Variants in MYO1H observed in about 807,000 individuals in gnomAD.
MYO1H encodes the protein unconventional myosin-Ih.
MYO1H carries 118 observed loss-of-function variants against 149.3 expected under a neutral mutation model. The ratio of observed to expected loss-of-function variants is 0.79; its 90% CI spans 0.68 to 0.92. The LOEUF (loss-of-function observed/expected upper bound fraction) is 0.92, where lower values mean the gene tolerates loss of function less well. Among genes scored for constraint, MYO1H ranks in the 40% least tolerant of loss-of-function variants. MYO1H has a pLI of 0.00. For missense variants in MYO1H, 1,212 were observed against 1,280.7 expected (o/e 0.95, Z 0.82); for synonymous variants, 447 against 465.2 (o/e 0.96, Z 0.50).
At chr12:109,412,032 G>A (rs113719937) in intron 14 of MYO1H, 47 bp downstream of exon 14, 10 of 1,311,564 alleles carry the variant, frequency 7.6e-6, no homozygotes, top group African/African-American at 7.4e-5. Context: ...AGATGATTGT[G>A]TCTCCATTTT....
intron 10 of MYO1H, among the ~76,000 whole-genome samples, chr12:109,409,225 T>TTCTTCTTCTTCTTCTTCTTCTTC (rs1566031713): frequency 1.9e-5 from 2 of 105,114 alleles, no homozygotes; most frequent in Non-Finnish European, 1.9e-5. Flanking sequence ...CCTTCTTCTT[T>TTCTTCTTCTTCTTCTTCTTCTTC]TTCTTCTTCT....
chr12:109,323,069 T>C, the MYO1H span, among the ~76,000 whole-genome samples: 1 of 152,192 alleles, frequency 6.6e-6, no homozygotes, highest in Admixed American at 6.5e-5. Context: ...ATCACGCCAC[T>C]GCACTCCAAC....
chr12:109,396,216 C>A (rs996273234), intron 3 of MYO1H, among the ~76,000 whole-genome samples, 168 bp from the exon 4 acceptor site: 1 of 152,112 alleles, frequency 6.6e-6, no homozygotes, highest in African/African-American at 2.4e-5. Context: ...AGCCACTGTG[C>A]CCCGCCTATG....
chr12:109,368,609 T>A (rs1463558730), intron 1 of MYO1H, among the ~76,000 whole-genome samples: 1 of 124,004 alleles, frequency 8.1e-6, no homozygotes, highest in African/African-American at 3.1e-5. Flanking sequence ...TGAGCTGAGA[T>A]CAGCCTGGGC....
intron 4 of MYO1H, among the ~76,000 whole-genome samples, chr12:109,396,814 G>GTTTTTTTTTTTTTTTTTTTTTTTT (rs60551691): frequency 1.6e-4 from 8 of 51,086 alleles, no homozygotes; most frequent in African/African-American, 3.8e-4. Flanking sequence ...TTTTGGTTTC[G>GTTTTTTTTTTTTTTTTTTTTTTTT]TTTTTTTTTT....
chr12:109,439,536 C>A, intron 23 of MYO1H, 95 bp from the exon 24 acceptor site: 1 of 1,033,128 alleles, frequency 9.7e-7, no homozygotes, highest in Non-Finnish European at 1.4e-6. Context: ...CAGCCTCTAC[C>A]ACTTTGGCCG....
chr12:109,408,640 T>G (rs1474505196), intron 10 of MYO1H, among the ~76,000 whole-genome samples: 1 of 152,106 alleles, frequency 6.6e-6, no homozygotes, highest in African/African-American at 2.4e-5. Context: ...AGCTAAAAAT[T>G]AAGAAATGAT....
chr12:109,441,708 G>T, exon 26 of MYO1H: 1 of 1,605,720 alleles, frequency 6.2e-7, no homozygotes, highest in African/African-American at 1.3e-5. Flanking sequence ...CAGTCGGATA[G>T]GTAAGTACAT....
Position 109,409,900 on chromosome 12 carries a change from A to G in MYO1H, c.1224-63A>G, listed in dbSNP as rs145037961. 190 of 975,568 alleles carry G rather than the reference A, an allele frequency of 1.9e-4. No individual in the cohort carries two copies. The African/African-American group carries it at 2.8e-3, about 14-fold the overall frequency. The allele number at this position is 975,568 out of a possible 1,614,324, so 60.4% of individuals were successfully genotyped here. Reference sequence around the variant, plus strand: ...AAAAAGTATGCCTAAAAAGAATATAATTTGTTTAAAAAAATTGTTCTCTTC... The same window carrying G: ...AAAAAGTATGCCTAAAAAGAATATAGTTTGTTTAAAAAAATTGTTCTCTTC... On this transcript the variant is annotated intron_variant, in intron 11 of 31. Coordinates refer to ENST00000310903, the Ensembl canonical transcript of MYO1H.
intron 1 of MYO1H, among the ~76,000 whole-genome samples, chr12:109,388,048 C>T (rs542291656): frequency 1.1e-4 from 16 of 152,328 alleles, no homozygotes; most frequent in African/African-American, 3.8e-4. Context: ...TGGAGAGGAA[C>T]ACTCCAAGTT....
At chr12:109,324,270 G>A in the MYO1H span, among the ~76,000 whole-genome samples, 801 of 152,284 alleles carry the variant, frequency 5.3e-3, 11 homozygotes, top group African/African-American at 0.018. Context: ...GCCACATGCT[G>A]CAATGGAAGC....
chr12:109,382,743 A>AG (rs1869230842), intron 1 of MYO1H, among the ~76,000 whole-genome samples: 1 of 151,826 alleles, frequency 6.6e-6, no homozygotes, highest in Non-Finnish European at 1.5e-5. Flanking sequence ...CAGCTGGAAT[A>AG]GGGGAAGGCA....
In MYO1H at chr12:109,406,386, AG is replaced by A. The variant is rs963270240; in HGVS notation, c.963+353del. Among the ~76,000 whole-genome samples the A allele has an allele frequency of 3.5e-5, 5 of 143,598 alleles. No homozygotes were observed. In the Admixed American group the frequency reaches 3.7e-4, roughly 11 times the overall value. 94.2% of individuals were successfully genotyped at this position (143,598 alleles called of 152,430 possible). A position where few individuals can be genotyped will look rare whatever the true frequency, so the allele number is the denominator to read the frequency against. ...GAGGCCAAGGCAGGAGGATCGCTTG[AG>A]GCCAGAAATTCAAGGCTGCAGTGAG... On this transcript the variant is annotated intron_variant, in intron 8 of 31. Coordinates refer to ENST00000310903, the Ensembl canonical transcript of MYO1H.
intron 16 of MYO1H, among the ~76,000 whole-genome samples, chr12:109,424,292 C>A (rs1871279356): frequency 6.6e-6 from 1 of 152,150 alleles, no homozygotes; most frequent in South Asian, 2.1e-4. Context: ...TCCTGAGTAA[C>A]TGGGACCATA....
chr12:109,423,425 G>C (rs551511405), intron 16 of MYO1H, among the ~76,000 whole-genome samples: 10 of 152,320 alleles, frequency 6.6e-5, no homozygotes, highest in African/African-American at 2.4e-4. Flanking sequence ...GTCTCCCAAT[G>C]TGCTGGGATT....
chr12:109,328,292 A>T, the MYO1H span, among the ~76,000 whole-genome samples: 1 of 152,062 alleles, frequency 6.6e-6, no homozygotes, highest in Non-Finnish European at 1.5e-5. Context: ...ATGTTGTGCA[A>T]GCAACATGCA....
rs750589048 is a variant in MYO1H at position 109,447,194 on chromosome 12, G to A, written c.*12G>A. ...GGAGGAAGTCCTGATAGAGGATGACGTCTGACCTCTACCATCGCCATTTTT... is the reference window on the plus strand; with the variant it reads ...GGAGGAAGTCCTGATAGAGGATGACATCTGACCTCTACCATCGCCATTTTT... On this transcript the variant is annotated 3_prime_UTR_variant, in exon 32 of 32. Coordinates refer to ENST00000310903, the Ensembl canonical transcript of MYO1H. 41 of 1,592,956 alleles carry A rather than the reference G, an allele frequency of 2.6e-5. No homozygotes were observed. In the South Asian group the frequency reaches 2.6e-4, roughly 10 times the overall value.
chr12:109,336,565 G>T, the MYO1H span, among the ~76,000 whole-genome samples: 4 of 152,112 alleles, frequency 2.6e-5, no homozygotes, highest in Non-Finnish European at 5.9e-5. Flanking sequence ...TGGTCTCCAC[G>T]TACTATAGGC....
chr12:109,424,769 A>G lies in MYO1H; in HGVS notation c.1666A>G (p.Ile556Val), dbSNP rs1231519242. The G allele has an allele frequency of 5.0e-6, 8 of 1,613,782 alleles. 1 individual carries two copies. Among genetic ancestry groups the G allele is most frequent in the South Asian group, 3.3e-5 (3 of 91,078 alleles). ...ACAGGTGCTGTGCAAGTCCAAGAAC[A>G]TTATCCTGAGGGAATGCTTCCTGCT... is the stretch of plus-strand genomic sequence containing the variant. Residue 556 changes from isoleucine to valine, a missense_variant, in exon 17 of 32, where the codon ATT becomes GTT. By Grantham distance (29) the Ile-to-Val change is conservative. Coordinates refer to ENST00000310903, the Ensembl canonical transcript of MYO1H.
Sources: gnomAD v4.1 joint callset for allele counts (sites outside exome capture counted in the v4.1 genomes callset) on GRCh38, gnomAD v4.1.1 for gene constraint, MANE v1.5 for transcripts, NCBI Gene and HGNC (gene_info 2026-07-23, HGNC 2026-07-21) for gene names.